NCMAP: variants seen among roughly 807,000 people sequenced by gnomAD.
NCMAP encodes non-compact myelin associated protein.
A neutral mutation model predicts 7.8 loss-of-function variants in NCMAP; 8 were observed. The observed-to-expected ratio is 1.02, with a 90% CI of 0.60 to 1.84. The LOEUF (loss-of-function observed/expected upper bound fraction) is 1.84. Ranked by LOEUF, NCMAP falls within the 40% of genes most tolerant of loss-of-function variation. The probability of loss-of-function intolerance (pLI) is 0.00; values close to 1 mark genes in which losing one functional copy is unlikely to be tolerated. For synonymous variants in NCMAP, 41 were observed against 52.9 expected, an observed-to-expected ratio of 0.78 and a Z score of 0.98; for missense variants, 112 against 131.4, an observed-to-expected ratio of 0.85 and a Z score of 0.72.
chr1:24,604,588 A>C (rs1652622033), intron 3 of NCMAP, among the ~76,000 whole-genome samples: 1 of 57,294 alleles, frequency 1.7e-5, no homozygotes, highest in Non-Finnish European at 2.9e-5. Flanking sequence ...AAAAAAAAAA[A>C]AAAAAAAAAA....
Position 24,595,794 on chromosome 1 carries a change from C to CTT in NCMAP, c.82+302_82+303dup, listed in dbSNP as rs34640170. On this transcript the variant is annotated intron_variant, in intron 2 of 3. Coordinates refer to ENST00000374392, the MANE Select transcript of NCMAP (RefSeq NM_001010980.5). ...AGGGCAAATGGGGACTGGACTGTGTCTTTTTTTTTTTTTTTTTTTTTGAGA... is the reference window on the plus strand; with the variant it reads ...AGGGCAAATGGGGACTGGACTGTGTCTTTTTTTTTTTTTTTTTTTTTTTGAGA... Among the ~76,000 whole-genome samples the CTT allele has an allele frequency of 5.1e-3, 605 of 119,444 alleles. 7 individuals carry two copies. The highest frequency in any genetic ancestry group is 0.01 in the Middle Eastern group (2 of 192). The allele number at this position is 119,444 out of a possible 152,430, so 78.4% of individuals were successfully genotyped here. A position where few individuals can be genotyped will look rare whatever the true frequency, so the allele number is the denominator to read the frequency against.
intron 1 of NCMAP, among the ~76,000 whole-genome samples, chr1:24,579,226 A>C (rs1003011593): frequency 1.3e-5 from 2 of 151,770 alleles, no homozygotes; most frequent in Admixed American, 6.6e-5. Flanking sequence ...CTTCATGCCC[A>C]AAAGTGTCCT....
At chr1:24,556,436 C>T (rs72652598) in intron 1 of NCMAP, among the ~76,000 whole-genome samples, 13,936 of 152,198 alleles carry the variant, frequency 0.092, 725 homozygotes, top group Middle Eastern at 0.13. Context: ...CTTGTCCCCT[C>T]CCCACCCAAG....
chr1:24,608,117 G>A lies in NCMAP; in HGVS notation c.*2370G>A, dbSNP rs1311817510. On this transcript the variant is annotated 3_prime_UTR_variant, in exon 4 of 4. Transcript: ENST00000374392. ...GATTAAATTTTCCCAAAAACCTGGGGAGGAATTATTTTTTCCAAAACAGAT... is the reference window on the plus strand; with the variant it reads ...GATTAAATTTTCCCAAAAACCTGGGAAGGAATTATTTTTTCCAAAACAGAT... 5 of 152,168 alleles carry A rather than the reference G, an allele frequency of 3.3e-5. No homozygotes were observed. Among genetic ancestry groups the A allele is most frequent in the Non-Finnish European group, 5.9e-5 (4 of 68,034 alleles). 9.4% of individuals were successfully genotyped at this position (152,168 alleles called of 1,614,324 possible). A position where few individuals can be genotyped will look rare whatever the true frequency, so the allele number is the denominator to read the frequency against.
chr1:24,580,005 G>A (rs868536976), intron 1 of NCMAP, among the ~76,000 whole-genome samples: 5 of 152,184 alleles, frequency 3.3e-5, no homozygotes, highest in South Asian at 4.1e-4. Context: ...GGGTCTGGCC[G>A]AGGGGTAGGT....
chr1:24,559,252 T>A (rs1570509091), intron 1 of NCMAP, among the ~76,000 whole-genome samples: 2 of 152,204 alleles, frequency 1.3e-5, no homozygotes, highest in African/African-American at 4.8e-5. Flanking sequence ...CCCATCTCCA[T>A]CCATCCAGTC....
At chr1:24,591,326 C>T (rs768637284) in intron 1 of NCMAP, among the ~76,000 whole-genome samples, 2 of 152,022 alleles carry the variant, frequency 1.3e-5, no homozygotes, top group Non-Finnish European at 2.9e-5. Context: ...AGTGCAGTGG[C>T]GCAATCTTGG....
At chr1:24,596,036 C>T (rs981415812) in intron 2 of NCMAP, among the ~76,000 whole-genome samples, 2 of 152,070 alleles carry the variant, frequency 1.3e-5, no homozygotes, top group Non-Finnish European at 2.9e-5. Flanking sequence ...AATCCTAGCA[C>T]TTTGGGAGGC....
At position 24,572,744 on chromosome 1, in the gene NCMAP, A is replaced by G. The variant is rs1651426607; in HGVS notation, c.-8+16575A>G. ...TCATGTTTGCATTTCCTGGACCCCCAGCTCACACTTGCCTCGCACGTTCCG... is the reference window on the plus strand; with the variant it reads ...TCATGTTTGCATTTCCTGGACCCCCGGCTCACACTTGCCTCGCACGTTCCG... On this transcript the variant is annotated intron_variant, in intron 1 of 3. Transcript: ENST00000374392. Among the ~76,000 whole-genome samples the G allele has an allele frequency of 3.3e-5, 5 of 150,554 alleles. No individual in the cohort carries two copies. In the South Asian group the frequency reaches 1.0e-3, roughly 31 times the overall value.
At chr1:24,562,428 C>T (rs1469230268) in intron 1 of NCMAP, among the ~76,000 whole-genome samples, 7 of 152,188 alleles carry the variant, frequency 4.6e-5, no homozygotes, top group East Asian at 3.9e-4. Context: ...CATGGATCCA[C>T]GTCTGTTAGT....
rs1272847562 is a variant in NCMAP, at chr1:24,602,261, A to ATG, written c.167+1239_167+1240dup. On this transcript the variant is annotated intron_variant, in intron 3 of 3. Transcript: ENST00000374392. ...ATTGTTAGTTTTTGCTGGGAGGGGG[A>ATG]TGTTCCTAATTTTTGAGGAATGGTA... is the stretch of plus-strand genomic sequence containing the variant. Among the ~76,000 whole-genome samples the ATG allele has an allele frequency of 3.9e-5, 6 of 152,026 alleles. No homozygotes were observed. The East Asian group carries it at 1.2e-3, about 29-fold the overall frequency.
chr1:24,603,283 G>A (rs60193661), intron 3 of NCMAP, among the ~76,000 whole-genome samples: 8,194 of 151,986 alleles, frequency 0.054, 750 homozygotes, highest in African/African-American at 0.19. Flanking sequence ...AATTAGCACA[G>A]TTGGGATTCA....
chr1:24,603,695 G>T (rs569687287), intron 3 of NCMAP, among the ~76,000 whole-genome samples: 69 of 152,292 alleles, frequency 4.5e-4, no homozygotes, highest in African/African-American at 1.5e-3. Context: ...GAATGTCTTT[G>T]TTCTTAGGAG....
At position 24,605,967 on chromosome 1, in the gene NCMAP, C is replaced by T. The variant is rs1652713084; in HGVS notation, c.*220C>T. On this transcript the variant is annotated 3_prime_UTR_variant, in exon 4 of 4. Transcript: ENST00000374392. ...CTGCCGCCACCCCACCAAAAAGCTG[C>T]AGAACATTCTTTTGTCATCTGATGA... The T allele has an allele frequency of 1.8e-6, 1 of 547,698 alleles. No individual in the cohort carries two copies. The allele number at this position is 547,698 out of a possible 1,614,324, so 33.9% of individuals were successfully genotyped here.
At chr1:24,572,901 C>T (rs1421509031) in intron 1 of NCMAP, among the ~76,000 whole-genome samples, 7 of 150,644 alleles carry the variant, frequency 4.6e-5, no homozygotes, top group South Asian at 2.1e-4. Context: ...TGATTTTGGA[C>T]GATTTACTCA....
At chr1:24,584,442 G>A (rs1051559295) in intron 1 of NCMAP, among the ~76,000 whole-genome samples, 1 of 152,218 alleles carries the variant, frequency 6.6e-6, no homozygotes. Flanking sequence ...TGCAGGTCTT[G>A]GGTTAGAAGC....
At chr1:24,565,572 TTGTGTGTG>T (rs58714256) in intron 1 of NCMAP, among the ~76,000 whole-genome samples, 41,688 of 143,576 alleles carry the variant, frequency 0.29, 6,027 homozygotes, top group Middle Eastern at 0.37. Flanking sequence ...TGATAGAAGA[TTGTGTGTG>T]TGTGTGTGTG....
intron 1 of NCMAP, among the ~76,000 whole-genome samples, chr1:24,584,156 G>A (rs1651816349): frequency 6.6e-6 from 1 of 152,122 alleles, no homozygotes; most frequent in South Asian, 2.1e-4. Flanking sequence ...CAGGGACAGC[G>A]GGACACCTGG....
chr1:24,579,594 G>A (rs1387394348), intron 1 of NCMAP, among the ~76,000 whole-genome samples: 1 of 152,114 alleles, frequency 6.6e-6, no homozygotes, highest in Non-Finnish European at 1.5e-5. Context: ...AAAAAAGTTA[G>A]CCAGACATGG....
Sources: allele counts gnomAD v4.1 joint callset (sites outside exome capture counted in the v4.1 genomes callset), GRCh38; gene constraint gnomAD v4.1.1; transcripts MANE v1.5; gene names NCBI Gene and HGNC (gene_info 2026-07-23, HGNC 2026-07-21).